The following COL4A2 variants were observed in gnomAD, a reference collection of about 807,000 sequenced individuals.
COL4A2 encodes collagen alpha-2(IV) chain.
A neutral mutation model predicts 200.2 loss-of-function variants in COL4A2; 99 were observed. The observed-to-expected ratio is 0.49, with a 90% CI of 0.42 to 0.58. The LOEUF (loss-of-function observed/expected upper bound fraction) is 0.58. Among genes scored for constraint, COL4A2 ranks in the 20% least tolerant of loss-of-function variants. The pLI is 0.00. For missense variants in COL4A2, 1,950 were observed against 2,314.1 expected (o/e 0.84, Z 3.23); for synonymous variants, 897 against 900.6 (o/e 1.00, Z 0.07).
rs1263967109 is a variant in COL4A2, at chr13:110,458,884, GA to G, written c.1547del (p.Asp516AlafsTer55). 35 of 1,609,088 alleles carry G rather than the reference GA, an allele frequency of 2.2e-5. No individual in the cohort carries two copies. The highest frequency in any genetic ancestry group is 2.9e-5 in the Non-Finnish European group (34 of 1,177,610). On this transcript the variant is annotated frameshift_variant, in exon 22 of 48. Coordinates refer to ENST00000360467, the MANE Select transcript of COL4A2 (RefSeq NM_001846.4). LOFTEE classifies it high-confidence loss of function. ...CAACGGGGAGCCGGGGAGGAAAGGG[GA>G]CAGAGGAGACCCCGGCCAACACGGC... ...GINGEPGRKG[D>X]RGDPGQHGLP... is the part of the protein sequence containing the mutation.
Position 110,439,805 on chromosome 13 carries a change from G to A in COL4A2, c.929G>A (p.Ser310Asn). ...TCATTCCAGGGTTACCCTGGCTTGAGTGGTGAAAAAGGATCACCAGGACAG... is the reference window on the plus strand; with the variant it reads ...TCATTCCAGGGTTACCCTGGCTTGAATGGTGAAAAAGGATCACCAGGACAG... ...FPGLRGYPGL[S>N]GEKGSPGQKG... The change falls in exon 16 of 48, where the codon AGT becomes AAT. Residue 310 changes from serine (S) to asparagine (N), a missense_variant. Ser to Asn is a conservative substitution (Grantham distance 46, BLOSUM62 1). Around this residue, in one of 2 missense-constraint regions of COL4A2, gnomAD observed 565 missense variants for 593.5 expected, o/e 0.95. Transcript: ENST00000360467. 1.2e-6 allele frequency: 2 copies of A among 1,614,024 alleles called. No homozygotes were observed. Among genetic ancestry groups the A allele is most frequent in the Non-Finnish European group, 1.7e-6 (2 of 1,179,990 alleles).
At chr13:110,484,085 CTATTTCAGGCA>C (rs1883028504) in intron 32 of COL4A2, among the ~76,000 whole-genome samples, 1 of 82,424 alleles carries the variant, frequency 1.2e-5, no homozygotes, top group Non-Finnish European at 2.4e-5. Flanking sequence ...AGATTTCAGG[CTATTTCAGGCA>C]AAAAAAAAAA....
At chr13:110,488,018 C>G (rs994793206) in intron 34 of COL4A2, among the ~76,000 whole-genome samples, 1 of 152,026 alleles carries the variant, frequency 6.6e-6, no homozygotes, top group Admixed American at 6.6e-5. Flanking sequence ...CACAAAGGAG[C>G]TTTTGTTTTG....
In COL4A2 at chr13:110,513,108, C is replaced by A. The variant is rs1391691681; in HGVS notation, c.*917C>A. The A allele has an allele frequency of 3.9e-5, 6 of 152,170 alleles. No individual in the cohort carries two copies. Among genetic ancestry groups the A allele is most frequent in the African/African-American group, 7.2e-5 (3 of 41,428 alleles). 9.4% of individuals were successfully genotyped at this position (152,170 alleles called of 1,614,324 possible). ...ATGGATGCGAGGCACAGCGTCCGCC[C>A]ACGCTGCTGTTTTTAATCCATCTCA... On this transcript the variant is annotated 3_prime_UTR_variant, in exon 48 of 48. Transcript: ENST00000360467.
Position 110,385,476 on chromosome 13 carries a change from A to G in COL4A2, c.180+27924A>G, listed in dbSNP as rs377354071. 1.5e-3 allele frequency among the ~76,000 whole-genome samples: 207 copies of G among 136,592 alleles called. 2 individuals carry two copies. Among genetic ancestry groups the G allele is most frequent in the South Asian group, 3.6e-3 (16 of 4,460 alleles). The allele number at this position is 136,592 out of a possible 152,430, so 89.6% of individuals were successfully genotyped here. Reference sequence around the variant, plus strand: ...TGCAGTGTGTGGATAGGCCGTGGTTACAGTGTGTGGATAGGCCGTGGTTAC... The same window carrying G: ...TGCAGTGTGTGGATAGGCCGTGGTTGCAGTGTGTGGATAGGCCGTGGTTAC... On this transcript the variant is annotated intron_variant, in intron 4 of 47. Coordinates refer to ENST00000360467, the MANE Select transcript of COL4A2 (RefSeq NM_001846.4).
chr13:110,332,347 A>G (rs923197408), intron 3 of COL4A2, among the ~76,000 whole-genome samples: 1 of 152,200 alleles, frequency 6.6e-6, no homozygotes, highest in Non-Finnish European at 1.5e-5. Context: ...CTACCTTTGA[A>G]TGGAAAGGGC....
chr13:110,441,871 G>A (rs1486739400), intron 16 of COL4A2, among the ~76,000 whole-genome samples: 1 of 151,632 alleles, frequency 6.6e-6, no homozygotes, highest in African/African-American at 2.4e-5. Context: ...ATAGAGGTCA[G>A]GAGTTCAAGA....
chr13:110,363,583 T>C (rs891711096), intron 4 of COL4A2, among the ~76,000 whole-genome samples: 2 of 151,114 alleles, frequency 1.3e-5, no homozygotes, highest in South Asian at 4.2e-4. Flanking sequence ...CTCAGAGGGG[T>C]CATCTTGAGA....
chr13:110,397,820 C>A (rs950332054), intron 4 of COL4A2, among the ~76,000 whole-genome samples: 1 of 152,182 alleles, frequency 6.6e-6, no homozygotes, highest in Non-Finnish European at 1.5e-5. Flanking sequence ...AAGGCTTTTA[C>A]ACCATATTTT....
chr13:110,319,610 A>G (rs906467325), intron 3 of COL4A2, among the ~76,000 whole-genome samples: 40 of 152,286 alleles, frequency 2.6e-4, no homozygotes, highest in African/African-American at 8.9e-4. Context: ...GAGTCAGGCC[A>G]AGACGTGGGT....
intron 4 of COL4A2, among the ~76,000 whole-genome samples, chr13:110,365,472 C>T (rs1466538749): frequency 2.0e-5 from 3 of 152,202 alleles, no homozygotes. Flanking sequence ...CTAGATGTCT[C>T]ATTGAATGGC....
chr13:110,505,147 G>C (rs183541358), intron 45 of COL4A2, among the ~76,000 whole-genome samples: 9,906 of 151,330 alleles, frequency 0.065, 501 homozygotes, highest in East Asian at 0.18. Context: ...GCAGGAGATC[G>C]AGACCATCCT....
intron 4 of COL4A2, among the ~76,000 whole-genome samples, chr13:110,366,346 A>G (rs1057112642): frequency 1.3e-5 from 2 of 152,220 alleles, no homozygotes; most frequent in Non-Finnish European, 2.9e-5. Context: ...ATATAGAAAC[A>G]GCGTCCACAG....
chr13:110,359,880 C>T (rs375857555), intron 4 of COL4A2, among the ~76,000 whole-genome samples: 1 of 152,346 alleles, frequency 6.6e-6, no homozygotes, highest in East Asian at 1.9e-4. Context: ...CTGCTGCATT[C>T]ATCATTAGTT....
chr13:110,317,310 G>C (rs1885163011), intron 3 of COL4A2, among the ~76,000 whole-genome samples: 1 of 150,532 alleles, frequency 6.6e-6, no homozygotes, highest in Admixed American at 6.6e-5. Flanking sequence ...ACACATAGAT[G>C]CAAATACACA....
At chr13:110,438,463 G>T (rs1242450529) in intron 14 of COL4A2, 155 bp from the exon 15 acceptor site, 1 of 984,502 alleles carries the variant, frequency 1.0e-6, no homozygotes, top group Non-Finnish European at 1.6e-6. Context: ...CTAGGACCGT[G>T]CCCTGCACTG....
chr13:110,354,675 A>G (rs1266734535), intron 3 of COL4A2, among the ~76,000 whole-genome samples: 1 of 151,316 alleles, frequency 6.6e-6, no homozygotes, highest in Non-Finnish European at 1.5e-5. Context: ...TATATTAGGT[A>G]AAGAATTATA....
In COL4A2 at chr13:110,512,810, G is replaced by A. The variant is rs1441061025; in HGVS notation, c.*619G>A. 1.3e-5 allele frequency: 2 copies of A among 152,452 alleles called. No individual in the cohort carries two copies. The highest frequency in any genetic ancestry group is 4.8e-5 in the African/African-American group (2 of 41,416). The allele number at this position is 152,452 out of a possible 1,614,324, so 9.4% of individuals were successfully genotyped here. ...TTGCCACATCCCTATAGACCACTGG[G>A]TTTGGCAAAACTCAGGCAGAAGTGG... On this transcript the variant is annotated 3_prime_UTR_variant, in exon 48 of 48. Transcript: ENST00000360467.
chr13:110,360,289 G>T (rs1877460059), intron 4 of COL4A2, among the ~76,000 whole-genome samples: 2 of 152,242 alleles, frequency 1.3e-5, no homozygotes. Flanking sequence ...AAACTGAGTA[G>T]AGGTGACCGG....
Sources: allele counts gnomAD v4.1 joint callset (sites outside exome capture counted in the v4.1 genomes callset), GRCh38; gene constraint gnomAD v4.1.1; regional missense constraint gnomAD v4.1.1; transcripts MANE v1.5; gene names NCBI Gene and HGNC (gene_info 2026-07-23, HGNC 2026-07-21).